The following CLSTN2 variants were observed in gnomAD, a reference collection of about 807,000 sequenced individuals.
The protein encoded by CLSTN2 is calsyntenin-2.
A neutral mutation model predicts 101.2 loss-of-function variants in CLSTN2; 48 were observed. That is an observed-to-expected ratio of 0.47 (90% CI 0.38 to 0.60). CLSTN2 has a LOEUF of 0.60. Ranked by LOEUF, CLSTN2 falls within the 20% of genes least tolerant of loss-of-function variation. CLSTN2 has a pLI of 0.00. For missense variants in CLSTN2, 1,160 were observed against 1,238.2 expected (o/e 0.94, Z 0.95); for synonymous variants, 481 against 463.6 (o/e 1.04, Z -0.48).
chr3:140,078,243 C>T (rs528881441), intron 1 of CLSTN2, among the ~76,000 whole-genome samples: 1 of 152,298 alleles, frequency 6.6e-6, no homozygotes, highest in East Asian at 1.9e-4. Context: ...GCTTGACTTA[C>T]CTCCTCAATG....
At chr3:140,357,371 C>T (rs561579861) in intron 2 of CLSTN2, among the ~76,000 whole-genome samples, 52 of 152,014 alleles carry the variant, frequency 3.4e-4, no homozygotes, top group Non-Finnish European at 3.7e-4. Flanking sequence ...CCTGCATTTC[C>T]GAATGCAGCC....
At chr3:140,562,045 T>C in intron 12 of CLSTN2, 93 bp from the exon 13 acceptor site, 3 of 1,147,424 alleles carry the variant, frequency 2.6e-6, no homozygotes, top group Non-Finnish European at 3.8e-6. Context: ...AGCCTTAACC[T>C]GGGGTGCAAT....
At chr3:140,003,843 C>T (rs1269753555) in intron 1 of CLSTN2, among the ~76,000 whole-genome samples, 3 of 152,086 alleles carry the variant, frequency 2.0e-5, no homozygotes, top group Non-Finnish European at 4.4e-5. Flanking sequence ...TGATTTGATT[C>T]TTTAACATGT....
intron 1 of CLSTN2, among the ~76,000 whole-genome samples, chr3:140,060,870 T>C (rs2008192547): frequency 6.6e-6 from 1 of 152,138 alleles, no homozygotes; most frequent in African/African-American, 2.4e-5. Context: ...TTCCTGACCA[T>C]CTCTTAGGGT....
At chr3:140,050,664 T>C (rs2007973360) in intron 1 of CLSTN2, among the ~76,000 whole-genome samples, 1 of 152,136 alleles carries the variant, frequency 6.6e-6, no homozygotes, top group South Asian at 2.1e-4. Context: ...CCTCCTGCCC[T>C]TCAGTTTTTT....
intron 7 of CLSTN2, among the ~76,000 whole-genome samples, chr3:140,463,502 G>C (rs533205569): frequency 2.6e-5 from 4 of 152,326 alleles, no homozygotes; most frequent in Admixed American, 2.6e-4. Flanking sequence ...GTTGTTGTCT[G>C]TAGAAAGGAA....
At chr3:140,115,633 C>A (rs574815021) in intron 1 of CLSTN2, among the ~76,000 whole-genome samples, 1 of 152,334 alleles carries the variant, frequency 6.6e-6, no homozygotes, top group South Asian at 2.1e-4. Context: ...GCAGGCAGGG[C>A]AGCCTGAGCC....
intron 1 of CLSTN2, among the ~76,000 whole-genome samples, chr3:140,015,027 C>T (rs1186919766): frequency 6.6e-6 from 1 of 152,154 alleles, no homozygotes; most frequent in Non-Finnish European, 1.5e-5. Flanking sequence ...GACTTTGTGA[C>T]CACAACACAG....
intron 8 of CLSTN2, among the ~76,000 whole-genome samples, chr3:140,479,131 G>C (rs1478165855): frequency 2.0e-5 from 3 of 152,152 alleles, no homozygotes; most frequent in Admixed American, 2.0e-4. Context: ...AAAATGAAAA[G>C]ATCTGAGCAG....
chr3:140,249,813 A>G (rs1466338847), intron 2 of CLSTN2, among the ~76,000 whole-genome samples: 3 of 152,210 alleles, frequency 2.0e-5, no homozygotes, highest in African/African-American at 7.2e-5. Flanking sequence ...AGAACTTGAC[A>G]GTGCAGGAGG....
At chr3:140,353,973 G>A (rs1475152610) in intron 2 of CLSTN2, among the ~76,000 whole-genome samples, 3 of 152,134 alleles carry the variant, frequency 2.0e-5, no homozygotes, top group African/African-American at 7.2e-5. Flanking sequence ...GCAGATCTAA[G>A]GCTGAGCCTA....
At chr3:140,139,778 A>T (rs183816119) in intron 1 of CLSTN2, among the ~76,000 whole-genome samples, 59 of 152,326 alleles carry the variant, frequency 3.9e-4, no homozygotes, top group African/African-American at 1.2e-3. Flanking sequence ...ATTGGACTAG[A>T]TTGAATCAGA....
chr3:140,214,583 G>A (rs980017148), intron 2 of CLSTN2, among the ~76,000 whole-genome samples: 1 of 152,258 alleles, frequency 6.6e-6, no homozygotes, highest in East Asian at 1.9e-4. Flanking sequence ...AAGTAACCTG[G>A]TCACACTAAC....
intron 8 of CLSTN2, among the ~76,000 whole-genome samples, chr3:140,488,638 CTTTTTTTTTTTT>C (rs66504085): frequency 1.6e-4 from 12 of 73,694 alleles, no homozygotes; most frequent in Non-Finnish European, 2.4e-4. Context: ...TTAATACGTG[CTTTTTTTTTTTT>C]TTTTTTTTTT....
At chr3:140,286,305 G>C (rs981305275) in intron 2 of CLSTN2, among the ~76,000 whole-genome samples, 1 of 151,780 alleles carries the variant, frequency 6.6e-6, no homozygotes, top group African/African-American at 2.4e-5. Flanking sequence ...TGTTTTCAAG[G>C]AGATCTGGGG....
At chr3:140,086,568 C>T (rs149141099) in intron 1 of CLSTN2, among the ~76,000 whole-genome samples, 3 of 152,220 alleles carry the variant, frequency 2.0e-5, no homozygotes, top group African/African-American at 7.2e-5. Flanking sequence ...AATACATATC[C>T]GTGACCTTCA....
At chr3:140,196,026 C>T (rs192756983) in intron 2 of CLSTN2, among the ~76,000 whole-genome samples, 80 of 152,278 alleles carry the variant, frequency 5.3e-4, no homozygotes, top group Non-Finnish European at 1.0e-3. Context: ...GAAATAGATG[C>T]GATGATGGGC....
chr3:140,549,091 A>G (rs1292240130), intron 10 of CLSTN2, among the ~76,000 whole-genome samples: 1 of 140,690 alleles, frequency 7.1e-6, no homozygotes. Context: ...GGTTTTGTCA[A>G]TCCAGTGATG....
chr3:139,935,334 C>T lies in CLSTN2; in HGVS notation c.-41C>T. On this transcript the variant is annotated 5_prime_UTR_variant, in exon 1 of 17. Coordinates refer to ENST00000458420, the MANE Select transcript of CLSTN2 (RefSeq NM_022131.3). This position sits in a 1 kb window ranked among gnomAD's most constrained non-coding sequence, Gnocchi z 5.5. ...ACCGGGAGGCGAGAGCCGGCGCGGA[C>T]AGTAGGCGGCGGCTGCAGCTCGTTG... The T allele has an allele frequency of 9.0e-7, 1 of 1,105,714 alleles. No homozygotes were observed. The highest frequency in any genetic ancestry group is 1.1e-6 in the Non-Finnish European group (1 of 875,202). The allele number at this position is 1,105,714 out of a possible 1,614,324, so 68.5% of individuals were successfully genotyped here.
Sources: allele counts gnomAD v4.1 joint callset (sites outside exome capture counted in the v4.1 genomes callset), GRCh38; gene constraint gnomAD v4.1.1; non-coding constraint Gnocchi (gnomAD v3.1); transcripts MANE v1.5; gene names NCBI Gene and HGNC (gene_info 2026-07-23, HGNC 2026-07-21).